The following NAV3 variants were observed in gnomAD, a reference collection of about 807,000 sequenced individuals.
NAV3 encodes pore membrane and/or filament interacting like protein 1.
Under a neutral mutation model 244.7 loss-of-function variants are expected in NAV3, and 87 were observed. The ratio of observed to expected loss-of-function variants is 0.36; its 90% CI spans 0.30 to 0.42. NAV3 has a LOEUF of 0.42. Among genes scored for constraint, NAV3 ranks in the 20% least tolerant of loss-of-function variants. The pLI is 1.00. For synonymous variants in NAV3, 1,126 were observed against 1,042.2 expected (o/e 1.08, Z -1.55); for missense variants, 2,663 against 2,893.3 (o/e 0.92, Z 1.83).
In NAV3 at chr12:77,605,724, C is replaced by T. The variant is rs575197577; in HGVS notation, c.72+33458C>T. 1.8e-4 allele frequency among the ~76,000 whole-genome samples: 27 copies of T among 152,008 alleles called. 1 individual carries two copies. The South Asian group carries it at 2.1e-3, about 12-fold the overall frequency. On this transcript the variant is annotated intron_variant, in intron 2 of 8. Coordinates refer to the NAV3 transcript ENST00000550042. Reference sequence around the variant, plus strand: ...ATGTGGTGGCACATGCCTGTAATCCCGGCTACTTGAGAGGCTGAGGCAGGA... The same window carrying T: ...ATGTGGTGGCACATGCCTGTAATCCTGGCTACTTGAGAGGCTGAGGCAGGA...
chr12:77,892,625 C>T lies in NAV3; in HGVS notation c.244-47694C>T, dbSNP rs149688242. The stretch of plus-strand genomic sequence containing the variant: ...CAAGATGGGGTTTCACGGTGTTAGC[C>T]GGGATGGTCTCAATCTCCTGACCTT... On this transcript the variant is annotated intron_variant, in intron 1 of 39. Transcript: ENST00000397909. Among the ~76,000 whole-genome samples the T allele has an allele frequency of 1.7e-3, 254 of 152,174 alleles. 5 individuals carry two copies. The highest frequency in any genetic ancestry group is 5.4e-4 in the Non-Finnish European group (37 of 68,014).
At chr12:77,808,677 G>A (rs1273865090) in intron 2 of NAV3, among the ~76,000 whole-genome samples, 1 of 152,236 alleles carries the variant, frequency 6.6e-6, no homozygotes, top group Non-Finnish European at 1.5e-5. Flanking sequence ...AGGAGGCAGT[G>A]TATTCCTTAG....
chr12:77,584,433 T>A (rs536929766), intron 2 of NAV3, among the ~76,000 whole-genome samples: 2,171 of 122,282 alleles, frequency 0.018, 45 homozygotes, highest in African/African-American at 0.058. Flanking sequence ...AAAAAAAAAA[T>A]TTTTTTTTTA....
chr12:77,581,042 T>G (rs372406280), intron 2 of NAV3, among the ~76,000 whole-genome samples: 3 of 152,282 alleles, frequency 2.0e-5, no homozygotes, highest in African/African-American at 4.8e-5. Flanking sequence ...GCTTAGAGGA[T>G]TTTTGAGAAG....
At chr12:77,654,352 C>G (rs1035039491) in intron 2 of NAV3, among the ~76,000 whole-genome samples, 1 of 152,210 alleles carries the variant, frequency 6.6e-6, no homozygotes, top group African/African-American at 2.4e-5. Context: ...TCGCTGATTG[C>G]TAGTACAGCA....
At chr12:78,049,924 T>C (rs1882479690) in intron 9 of NAV3, 69 bp from the exon 10 acceptor site, 1 of 979,780 alleles carries the variant, frequency 1.0e-6, no homozygotes, top group Non-Finnish European at 1.6e-6. Context: ...GACTTAATTA[T>C]CTAGGTATAC....
intron 24 of NAV3, among the ~76,000 whole-genome samples, chr12:78,170,655 T>TA (rs1957963208): frequency 6.6e-6 from 1 of 151,776 alleles, no homozygotes; most frequent in Non-Finnish European, 1.5e-5. Context: ...ATGATGCACA[T>TA]ATAGACTTCT....
intron 1 of NAV3, among the ~76,000 whole-genome samples, chr12:77,882,692 T>G (rs1731753): frequency 0.9 from 136,246 of 152,176 alleles, 61,053 homozygotes; most frequent in East Asian, 1. Flanking sequence ...TTCAATGAAG[T>G]TCTAATATTT....
Position 78,137,271 on chromosome 12 carries a change from T to C in NAV3, c.4536T>C (p.Tyr1512=), listed in dbSNP as rs1237714723. The change falls in exon 19 of 40, where the codon TAT becomes TAC. Residue 1512 remains tyrosine (Y), a synonymous_variant. Coordinates refer to ENST00000397909, the MANE Select transcript of NAV3 (RefSeq NM_001024383.2). ...IPAQDSSFDL[Y]DDSQLCGSAT... is the part of the protein sequence containing the mutation. ...CCCAAGACTCTTCCTTCGATCTCTA[T>C]GATGACTCCCAGCTTTGTGGGAGTG... 6 of 1,613,690 alleles carry C rather than the reference T, an allele frequency of 3.7e-6. No individual in the cohort carries two copies. Among genetic ancestry groups the C allele is most frequent in the African/African-American group, 2.7e-5 (2 of 74,876 alleles).
intron 12 of NAV3, among the ~76,000 whole-genome samples, chr12:78,105,589 A>G (rs1296085937): frequency 1.3e-5 from 2 of 152,066 alleles, no homozygotes; most frequent in Non-Finnish European, 2.9e-5. Context: ...TTCTATGGAC[A>G]AGTTGGTATT....
intron 1 of NAV3, among the ~76,000 whole-genome samples, chr12:77,904,943 G>A (rs949162234): frequency 2.0e-5 from 3 of 148,298 alleles, no homozygotes; most frequent in African/African-American, 7.4e-5. Flanking sequence ...ATTTGAGGAA[G>A]TATCTTATTT....
chr12:78,175,890 A>G (rs932006364), intron 25 of NAV3, among the ~76,000 whole-genome samples: 1 of 134,040 alleles, frequency 7.5e-6, no homozygotes, highest in Non-Finnish European at 1.7e-5. Context: ...AAAAATGATG[A>G]TGATGGTGAT....
intron 23 of NAV3, among the ~76,000 whole-genome samples, chr12:78,162,293 C>A (rs1202233042): frequency 6.6e-6 from 1 of 152,024 alleles, no homozygotes; most frequent in Non-Finnish European, 1.5e-5. Flanking sequence ...AAACTCCCTT[C>A]CCCAAGTTAT....
At chr12:78,165,404 C>T (rs1957738605) in intron 23 of NAV3, among the ~76,000 whole-genome samples, 1 of 151,642 alleles carries the variant, frequency 6.6e-6, no homozygotes, top group Non-Finnish European at 1.5e-5. Flanking sequence ...ATCTTGATGG[C>T]ATATACATTT....
At chr12:77,902,545 G>T (rs1242838175) in intron 1 of NAV3, among the ~76,000 whole-genome samples, 3 of 152,068 alleles carry the variant, frequency 2.0e-5, no homozygotes, top group Non-Finnish European at 4.4e-5. Flanking sequence ...CATACTGAAT[G>T]GGCAAAAACT....
intron 2 of NAV3, among the ~76,000 whole-genome samples, chr12:77,601,990 T>C (rs1250098074): frequency 6.6e-6 from 1 of 152,052 alleles, no homozygotes; most frequent in Non-Finnish European, 1.5e-5. Flanking sequence ...TTAACTGTCA[T>C]ATTTTAAATA....
chr12:77,945,028 G>A (rs1426131138), intron 3 of NAV3, among the ~76,000 whole-genome samples: 1 of 152,058 alleles, frequency 6.6e-6, no homozygotes, highest in Non-Finnish European at 1.5e-5. Context: ...ATTCTGTAGA[G>A]TGAATAACGT....
intron 2 of NAV3, among the ~76,000 whole-genome samples, chr12:77,684,054 A>G (rs796602937): frequency 1.6e-4 from 24 of 152,330 alleles, no homozygotes; most frequent in African/African-American, 3.1e-4. Flanking sequence ...CACTCCCACT[A>G]GCAATATCTG....
At chr12:77,941,192 C>A in intron 3 of NAV3, 59 bp downstream of exon 3, 2 of 1,060,460 alleles carry the variant, frequency 1.9e-6, no homozygotes, top group Non-Finnish European at 2.8e-6. Flanking sequence ...GAATTAATTG[C>A]ATTTGTAAAT....
Sources: gnomAD v4.1 joint callset for allele counts (sites outside exome capture counted in the v4.1 genomes callset) on GRCh38, gnomAD v4.1.1 for gene constraint, MANE v1.5 for transcripts, NCBI Gene and HGNC (gene_info 2026-07-23, HGNC 2026-07-21) for gene names.